CABIN1: variants seen among roughly 807,000 people sequenced by gnomAD.
CABIN1 encodes the protein calcineurin binding protein 1.
A neutral mutation model predicts 227.7 loss-of-function variants in CABIN1; 133 were observed. The observed-to-expected ratio is 0.58, with a 90% CI of 0.51 to 0.67. CABIN1 has a LOEUF of 0.67. Among genes scored for constraint, CABIN1 ranks in the 30% least tolerant of loss-of-function variants. CABIN1 has a pLI of 0.00. For synonymous variants in CABIN1, 1,086 were observed against 1,155.1 expected (o/e 0.94, Z 1.21); for missense variants, 2,408 against 2,852.5 (o/e 0.84, Z 3.55).
At chr22:24,038,315 CT>C (rs775888943) in intron 3 of CABIN1, 32 bp from the exon 4 acceptor site, 1 of 1,536,628 alleles carries the variant, frequency 6.5e-7, no homozygotes, top group Non-Finnish European at 9.0e-7. Flanking sequence ...GATCTTTATG[CT>C]GTATGAAAAC....
In CABIN1 at chr22:24,177,421, G is replaced by A; in HGVS notation, c.6206-83G>A. On this transcript the variant is annotated intron_variant, in intron 35 of 36. Transcript: ENST00000263119. This position sits in a 1 kb window ranked among gnomAD's most constrained non-coding sequence, Gnocchi z 4.4. ...TACACAGCATAAAGGCCCAGGACCT[G>A]GGGGGAGCGGGTGGGGGCGAGATAA... 1 of 1,215,162 alleles carries A rather than the reference G, an allele frequency of 8.2e-7. No homozygotes were observed. The highest frequency in any genetic ancestry group is 1.5e-5 in the South Asian group (1 of 67,554). 75.3% of individuals were successfully genotyped at this position (1,215,162 alleles called of 1,614,324 possible).
intron 34 of CABIN1, among the ~76,000 whole-genome samples, chr22:24,172,233 G>C (rs150477523): frequency 6.9e-4 from 105 of 152,362 alleles, no homozygotes; most frequent in African/African-American, 2.4e-3. Context: ...GCCTCAGTCT[G>C]TGAAAGGGGG....
At chr22:24,140,696 C>T (rs766272712) in intron 29 of CABIN1, among the ~76,000 whole-genome samples, 2 of 152,216 alleles carry the variant, frequency 1.3e-5, no homozygotes, top group Non-Finnish European at 2.9e-5. Context: ...TTTCTTGTTT[C>T]AACCCAGTTT....
chr22:24,143,821 A>G (rs2044935948), intron 29 of CABIN1, among the ~76,000 whole-genome samples: 1 of 151,780 alleles, frequency 6.6e-6, no homozygotes, highest in Non-Finnish European at 1.5e-5. Flanking sequence ...GCCCTTTTCT[A>G]CCCTCTGCCC....
At chr22:24,078,407 T>C (rs962663448) in intron 19 of CABIN1, among the ~76,000 whole-genome samples, 6 of 152,230 alleles carry the variant, frequency 3.9e-5, no homozygotes, top group African/African-American at 7.2e-5. Context: ...TTATGAAGGT[T>C]GAATGCTTCA....
chr22:24,110,721 G>T (rs980323354), intron 26 of CABIN1, among the ~76,000 whole-genome samples: 2 of 151,906 alleles, frequency 1.3e-5, no homozygotes, highest in Non-Finnish European at 2.9e-5. Flanking sequence ...GCACTTTAAA[G>T]ATATTGTCAG....
In CABIN1 at chr22:24,171,980, G is replaced by A. The variant is rs1484931681; in HGVS notation, c.6025G>A (p.Ala2009Thr). The A allele has an allele frequency of 6.2e-7, 1 of 1,611,470 alleles. No homozygotes were observed. Among genetic ancestry groups the A allele is most frequent in the Non-Finnish European group, 8.5e-7 (1 of 1,179,830 alleles). Residue 2009 changes from alanine (A) to threonine (T), a missense_variant, in exon 34 of 37, where the codon GCC becomes ACC. Physicochemically the swap from Ala to Thr is moderately conservative, Grantham distance 58. Coordinates refer to ENST00000263119, the MANE Select transcript of CABIN1 (RefSeq NM_012295.4). ...CAGGCCTGAAGCTACCCCCAGCATGGCCTCTCTGGGCCCAGGTGAGTCCCA... is the reference window on the plus strand; with the variant it reads ...CAGGCCTGAAGCTACCCCCAGCATGACCTCTCTGGGCCCAGGTGAGTCCCA... ...PHRPEATPSM[A>T]SLGPEGEELA...
At chr22:24,018,148 C>T (rs905820618) in intron 1 of CABIN1, among the ~76,000 whole-genome samples, 2 of 152,182 alleles carry the variant, frequency 1.3e-5, no homozygotes, top group Non-Finnish European at 2.9e-5. Flanking sequence ...AGCCACCATG[C>T]CCATCCTGTT....
Position 24,134,344 on chromosome 22 carries a change from C to G in CABIN1, c.4675C>G (p.Pro1559Ala), listed in dbSNP as rs767255031. 1 of 1,614,160 alleles carries G rather than the reference C, an allele frequency of 6.2e-7. No individual in the cohort carries two copies. Among genetic ancestry groups the G allele is most frequent in the South Asian group, 1.1e-5 (1 of 91,084 alleles). The change falls in exon 29 of 37, where the codon CCG (proline) becomes GCG (alanine). Residue 1559 changes from proline (P) to alanine (A), a missense_variant. Physicochemically the swap from Pro to Ala is conservative, Grantham distance 27 (BLOSUM62 -1). Coordinates refer to ENST00000263119, the MANE Select transcript of CABIN1 (RefSeq NM_012295.4). Reference sequence around the variant, plus strand: ...CGACGTGTTGCTAGGCAGCAGTATCCCGTGGCAACAACTGCAGCACATGCC... The same window carrying G: ...CGACGTGTTGCTAGGCAGCAGTATCGCGTGGCAACAACTGCAGCACATGCC... ...ARDVLLGSSI[P>A]WQQLQHMPAQ...
intron 27 of CABIN1, among the ~76,000 whole-genome samples, chr22:24,115,728 C>A (rs2043046047): frequency 6.6e-6 from 1 of 152,170 alleles, no homozygotes; most frequent in South Asian, 2.1e-4. Flanking sequence ...CTTTGGCCTC[C>A]CTGCAGAAAG....
intron 32 of CABIN1, among the ~76,000 whole-genome samples, chr22:24,167,547 G>A (rs2046526647): frequency 6.6e-6 from 1 of 152,174 alleles, no homozygotes; most frequent in Non-Finnish European, 1.5e-5. Flanking sequence ...CGGGGAGTCT[G>A]GACCGCTGCT....
intron 29 of CABIN1, among the ~76,000 whole-genome samples, chr22:24,147,023 A>G (rs2045161574): frequency 6.6e-6 from 1 of 151,988 alleles, no homozygotes; most frequent in Non-Finnish European, 1.5e-5. Context: ...AGCAGCTGCT[A>G]TTTTTTCCCT....
Position 24,113,621 on chromosome 22 carries a change from C to G in CABIN1, c.4173C>G (p.Asp1391Glu). ...VALSDSSSTQ[D>E]FFNEPTSLLE... is the part of the protein sequence containing the mutation. Reference sequence around the variant, plus strand: ...TCTCAGACTCTAGCTCAACGCAGGACTTCTTTAATGAGCCCACCAGCTTAC... The same window carrying G: ...TCTCAGACTCTAGCTCAACGCAGGAGTTCTTTAATGAGCCCACCAGCTTAC... Residue 1391 changes from aspartate (D) to glutamate (E), a missense_variant, in exon 27 of 37, where the codon GAC becomes GAG. This residue lies in a region of CABIN1 where 649 missense variants were observed against 910.3 expected (regional missense o/e 0.71). Coordinates refer to ENST00000263119, the MANE Select transcript of CABIN1 (RefSeq NM_012295.4). 6.2e-7 allele frequency: 1 copy of G among 1,614,160 alleles called. No homozygotes were observed. Among genetic ancestry groups the G allele is most frequent in the Non-Finnish European group, 8.5e-7 (1 of 1,180,038 alleles).
intron 15 of CABIN1, among the ~76,000 whole-genome samples, chr22:24,066,578 C>T (rs2039695567): frequency 6.6e-6 from 1 of 152,220 alleles, no homozygotes; most frequent in Admixed American, 6.5e-5. Context: ...AGGGCTTCGT[C>T]AGGTCCTGCA....
rs760765104 is a variant in CABIN1 at position 24,049,115 on chromosome 22, C to T, written c.551C>T (p.Ala184Val). 1 of 1,614,116 alleles carries T rather than the reference C, an allele frequency of 6.2e-7. No individual in the cohort carries two copies. Among genetic ancestry groups the T allele is most frequent in the Non-Finnish European group, 8.5e-7 (1 of 1,180,016 alleles). Residue 184 changes from alanine to valine, a missense_variant, in exon 7 of 37, where the codon GCT (alanine) becomes GTT (valine). Transcript: ENST00000263119. ...GCATGTCTGTACTTCATCTGCAAAG[C>T]TTTGGAGAAGGATTGCCGGTACAGC... ...YTTCLYFICK[A>V]LEKDCRYSKG...
intron 26 of CABIN1, among the ~76,000 whole-genome samples, chr22:24,099,767 G>A (rs1264043243): frequency 6.6e-6 from 1 of 152,230 alleles, no homozygotes; most frequent in African/African-American, 2.4e-5. Flanking sequence ...CACATGCCAT[G>A]TGGCCGTGCT....
rs142541555 is a variant in CABIN1 at position 24,072,498 on chromosome 22, C to T, written c.2620C>T (p.Pro874Ser). The T allele has an allele frequency of 1.5e-3, 2,442 of 1,614,174 alleles. 30 individuals carry two copies. The African/African-American group carries it at 0.029, about 19-fold the overall frequency. The change falls in exon 18 of 37, where the codon CCA (proline) becomes TCA (serine). Residue 874 changes from proline (P) to serine (S), a missense_variant. This residue lies in a region of CABIN1 where 1,045 missense variants were observed against 1,168.4 expected (regional missense o/e 0.89). Transcript: ENST00000263119. ...SLCHQQQLQNPAEEGMSETPM... is the reference protein window; with the variant it reads ...SLCHQQQLQNSAEEGMSETPM... ...GTGCCACCAGCAGCAGCTCCAAAAC[C>T]CAGCGGAGGAAGGTGCACAGGCAGT...
chr22:24,174,775 C>A (rs574052183), intron 34 of CABIN1, among the ~76,000 whole-genome samples: 1 of 152,184 alleles, frequency 6.6e-6, no homozygotes, highest in East Asian at 1.9e-4. Context: ...AGCTGAGTGT[C>A]CCCGGATCAT....
chr22:24,071,851 C>T (rs2146741476), intron 17 of CABIN1, among the ~76,000 whole-genome samples: 1 of 152,290 alleles, frequency 6.6e-6, no homozygotes, highest in African/African-American at 2.4e-5. Context: ...CCCTGGGGTC[C>T]CTGCCTGCAT....
Sources: allele counts gnomAD v4.1 joint callset (sites outside exome capture counted in the v4.1 genomes callset), GRCh38; gene constraint gnomAD v4.1.1; regional missense constraint gnomAD v4.1.1; non-coding constraint Gnocchi (gnomAD v3.1); transcripts MANE v1.5; gene names NCBI Gene and HGNC (gene_info 2026-07-23, HGNC 2026-07-21).